The following CCDC148 variants were observed in gnomAD, a reference collection of about 807,000 sequenced individuals.
CCDC148 encodes the protein coiled-coil domain containing 148, also known as coiled-coil domain-containing protein 148.
CCDC148 carries 89 observed loss-of-function variants against 85.7 expected under a neutral mutation model. The observed-to-expected ratio is 1.04, with a 90% CI of 0.87 to 1.24. The LOEUF is 1.24. Ranked by LOEUF, CCDC148 falls within the 50% of genes most tolerant of loss-of-function variation. The pLI is 0.00. For missense variants in CCDC148, 692 were observed against 671.7 expected (o/e 1.03, Z -0.33); for synonymous variants, 230 against 213.9 (o/e 1.08, Z -0.66).
At chr2:158,433,085 A>ATATAT (rs1553521565) in intron 1 of CCDC148, among the ~76,000 whole-genome samples, 1 of 46,614 alleles carries the variant, frequency 2.1e-5, no homozygotes, top group African/African-American at 4.4e-5. Flanking sequence ...AAAAAAAAAA[A>ATATAT]AAAAAAATAT....
intron 7 of CCDC148, among the ~76,000 whole-genome samples, chr2:158,317,339 T>C (rs750301791): frequency 3.3e-5 from 5 of 152,186 alleles, no homozygotes; most frequent in Non-Finnish European, 7.3e-5. Context: ...TTACAATTTG[T>C]AAGTTTATTG....
intron 9 of CCDC148, among the ~76,000 whole-genome samples, chr2:158,256,016 TGTACA>T (rs753756810): frequency 1.3e-5 from 2 of 151,746 alleles, no homozygotes; most frequent in African/African-American, 2.4e-5. Context: ...TCACTCTTAA[TGTACA>T]GTAAAGTGGT....
intron 7 of CCDC148, among the ~76,000 whole-genome samples, chr2:158,335,105 C>A (rs1029487027): frequency 9.2e-5 from 14 of 152,256 alleles, no homozygotes; most frequent in African/African-American, 3.1e-4. Flanking sequence ...CCATGCCATT[C>A]AAATAAAGCA....
intron 7 of CCDC148, among the ~76,000 whole-genome samples, chr2:158,321,576 CA>C (rs1295282448): frequency 1.3e-5 from 2 of 152,130 alleles, no homozygotes; most frequent in Non-Finnish European, 2.9e-5. Flanking sequence ...ATTAGGGCTC[CA>C]ATGTTTTAAC....
chr2:158,191,811 G>C (rs1166579046), intron 11 of CCDC148, among the ~76,000 whole-genome samples: 1 of 151,574 alleles, frequency 6.6e-6, no homozygotes. Flanking sequence ...TTTTTCTTTG[G>C]AGACAGACAA....
intron 1 of CCDC148, among the ~76,000 whole-genome samples, chr2:158,387,294 A>ATATCTC (rs1685127929): frequency 2.4e-4 from 1 of 4,174 alleles, no homozygotes. Flanking sequence ...ATCATTATCT[A>ATATCTC]TATCTATATC....
chr2:158,264,800 A>G (rs1689385277), intron 9 of CCDC148, among the ~76,000 whole-genome samples: 1 of 152,126 alleles, frequency 6.6e-6, no homozygotes, highest in Admixed American at 6.6e-5. Context: ...TGATATTACA[A>G]TACGTTCGTG....
intron 9 of CCDC148, among the ~76,000 whole-genome samples, chr2:158,293,916 T>G (rs1691012651): frequency 1.4e-5 from 2 of 148,012 alleles, no homozygotes; most frequent in Admixed American, 6.7e-5. Flanking sequence ...GGAAAACCAA[T>G]GAGGGGCATG....
intron 1 of CCDC148, among the ~76,000 whole-genome samples, chr2:158,454,902 G>T (rs1208373700): frequency 3.3e-5 from 5 of 152,196 alleles, no homozygotes; most frequent in Non-Finnish European, 5.9e-5. Flanking sequence ...GTGGATTTCA[G>T]TAACATTTTA....
chr2:158,350,109 A>G (rs1683186171), intron 2 of CCDC148, among the ~76,000 whole-genome samples: 2 of 152,344 alleles, frequency 1.3e-5, no homozygotes, highest in South Asian at 4.1e-4. Flanking sequence ...GAACGTGAGC[A>G]TCTGTTTAAC....
At chr2:158,315,086 G>A (rs2105215633) in intron 7 of CCDC148, among the ~76,000 whole-genome samples, 1 of 152,292 alleles carries the variant, frequency 6.6e-6, no homozygotes, top group Non-Finnish European at 1.5e-5. Context: ...CCAGGAAGAG[G>A]AATACTCTAA....
intron 11 of CCDC148, among the ~76,000 whole-genome samples, chr2:158,215,540 T>C (rs1686803637): frequency 6.6e-6 from 1 of 152,006 alleles, no homozygotes; most frequent in Non-Finnish European, 1.5e-5. Flanking sequence ...TTTTCTTTTT[T>C]TTCTTTTTTT....
Position 158,451,492 on chromosome 2 carries a change from A to T in CCDC148, c.25+4923T>A, listed in dbSNP as rs966031992. On this transcript the variant is annotated intron_variant, in intron 1 of 13. Coordinates refer to ENST00000283233, the MANE Select transcript of CCDC148 (RefSeq NM_138803.4). ...TAACTACTGATGTCTCTAATAAATT[A>T]TTTTTATTTTCCAGCCTGATTCCTA... Among the ~76,000 whole-genome samples, 6 of 152,150 alleles carry T rather than the reference A, an allele frequency of 3.9e-5. No homozygotes were observed. In the South Asian group the frequency reaches 1.2e-3, roughly 32 times the overall value.
chr2:158,307,629 A>C (rs929926153), intron 9 of CCDC148, among the ~76,000 whole-genome samples: 1 of 152,228 alleles, frequency 6.6e-6, no homozygotes, highest in Non-Finnish European at 1.5e-5. Context: ...CATTATCATA[A>C]TAGCAAAAAC....
intron 1 of CCDC148, among the ~76,000 whole-genome samples, chr2:158,374,817 A>G (rs1488662369): frequency 6.6e-6 from 1 of 152,038 alleles, no homozygotes; most frequent in Non-Finnish European, 1.5e-5. Context: ...CTCCAAGAAT[A>G]CCAGACTGTA....
chr2:158,208,363 A>G (rs1020106373), intron 11 of CCDC148, among the ~76,000 whole-genome samples: 1 of 151,950 alleles, frequency 6.6e-6, no homozygotes, highest in East Asian at 1.9e-4. Flanking sequence ...CTCGCTTCTG[A>G]GCCCCCTTCC....
At chr2:158,234,220 T>C (rs1181769948) in intron 10 of CCDC148, among the ~76,000 whole-genome samples, 1 of 152,126 alleles carries the variant, frequency 6.6e-6, no homozygotes, top group Non-Finnish European at 1.5e-5. Context: ...CCAGGGCATT[T>C]ATTATGCAAA....
At chr2:158,283,816 C>A (rs561496595) in intron 9 of CCDC148, among the ~76,000 whole-genome samples, 12 of 151,996 alleles carry the variant, frequency 7.9e-5, no homozygotes, top group Non-Finnish European at 5.9e-5. Flanking sequence ...GCTATAAAGA[C>A]ACATGCACAT....
At chr2:158,305,945 T>C (rs1233586632) in intron 9 of CCDC148, among the ~76,000 whole-genome samples, 2 of 152,100 alleles carry the variant, frequency 1.3e-5, no homozygotes, top group Admixed American at 1.3e-4. Context: ...GAACAAACTA[T>C]TGATACAAAC....
Sources: allele counts gnomAD v4.1 joint callset (sites outside exome capture counted in the v4.1 genomes callset), GRCh38; gene constraint gnomAD v4.1.1; transcripts MANE v1.5; gene names NCBI Gene and HGNC (gene_info 2026-07-23, HGNC 2026-07-21).